Variants in PTPRD observed in about 807,000 individuals in gnomAD.
PTPRD encodes the protein protein tyrosine phosphatase receptor type D.
PTPRD carries 34 observed loss-of-function variants against 214.5 expected under a neutral mutation model. The observed-to-expected ratio is 0.16, with a 90% CI of 0.12 to 0.21. The LOEUF (loss-of-function observed/expected upper bound fraction) is 0.21. Among genes scored for constraint, PTPRD ranks in the 10% least tolerant of loss-of-function variants. PTPRD has a pLI of 1.00. For missense variants in PTPRD, 2,545 were observed against 2,398.7 expected, an observed-to-expected ratio of 1.06 and a Z score of -1.27; for synonymous variants, 1,128 against 845.7, an observed-to-expected ratio of 1.33 and a Z score of -5.79.
chr9:9,019,311 A>AG (rs1569428743), intron 10 of PTPRD, among the ~76,000 whole-genome samples: 15 of 112,222 alleles, frequency 1.3e-4, no homozygotes, highest in African/African-American at 3.6e-4. Flanking sequence ...AAAGAAAGAA[A>AG]GAAAGAAAGA....
intron 12 of PTPRD, among the ~76,000 whole-genome samples, chr9:8,723,360 T>C (rs745398261): frequency 1.3e-5 from 2 of 152,142 alleles, no homozygotes; most frequent in Non-Finnish European, 2.9e-5. Context: ...TCCCTTCATA[T>C]CCTCTCTTAC....
intron 11 of PTPRD, among the ~76,000 whole-genome samples, chr9:8,951,573 C>G (rs1314586703): frequency 6.6e-6 from 1 of 151,980 alleles, no homozygotes; most frequent in Admixed American, 6.6e-5. Flanking sequence ...TCTTGATCTT[C>G]CATCTCCCAT....
At chr9:8,823,899 T>A (rs2097125884) in intron 11 of PTPRD, among the ~76,000 whole-genome samples, 1 of 152,210 alleles carries the variant, frequency 6.6e-6, no homozygotes, top group African/African-American at 2.4e-5. Context: ...GGGCTGCTGG[T>A]TGCCCATTTT....
chr9:10,470,781 CTTTAGTAT>C (rs2099025401), intron 2 of PTPRD, among the ~76,000 whole-genome samples: 1 of 152,098 alleles, frequency 6.6e-6, no homozygotes, highest in Non-Finnish European at 1.5e-5. Flanking sequence ...AATAGACTAT[CTTTAGTAT>C]CAGTTCTCAA....
chr9:8,358,022 G>C (rs551148229), intron 39 of PTPRD, among the ~76,000 whole-genome samples: 5 of 152,234 alleles, frequency 3.3e-5, no homozygotes, highest in South Asian at 2.1e-4. Context: ...TATACATACA[G>C]ATCATTATAC....
At chr9:8,741,559 G>A (rs976787289) in intron 11 of PTPRD, among the ~76,000 whole-genome samples, 2 of 131,028 alleles carry the variant, frequency 1.5e-5, no homozygotes, top group African/African-American at 5.9e-5. Context: ...TTTAATCTCA[G>A]GCATTTCTTT....
At chr9:9,921,601 A>G (rs1456838737) in intron 5 of PTPRD, among the ~76,000 whole-genome samples, 1 of 151,502 alleles carries the variant, frequency 6.6e-6, no homozygotes, top group Non-Finnish European at 1.5e-5. Flanking sequence ...TGCTCAGGGG[A>G]AAAAAATGGC....
At chr9:10,228,630 C>T (rs1470792026) in intron 3 of PTPRD, among the ~76,000 whole-genome samples, 1 of 151,352 alleles carries the variant, frequency 6.6e-6, no homozygotes, top group Admixed American at 6.6e-5. Context: ...ATTTTTTTCA[C>T]CTGCTCTATC....
intron 2 of PTPRD, among the ~76,000 whole-genome samples, chr9:10,352,391 C>T (rs1597832331): frequency 6.6e-6 from 1 of 152,002 alleles, no homozygotes; most frequent in African/African-American, 2.4e-5. Flanking sequence ...TGACCATTCT[C>T]ATTCCTATTC....
At chr9:9,420,872 A>T (rs1453456306) in intron 8 of PTPRD, among the ~76,000 whole-genome samples, 1 of 151,980 alleles carries the variant, frequency 6.6e-6, no homozygotes, top group Non-Finnish European at 1.5e-5. Flanking sequence ...ATCTTTTCAT[A>T]AATGCAGATA....
intron 12 of PTPRD, among the ~76,000 whole-genome samples, chr9:8,685,651 A>G (rs2154376491): frequency 6.6e-6 from 1 of 152,334 alleles, no homozygotes; most frequent in African/African-American, 2.4e-5. Flanking sequence ...ACTTGAATAA[A>G]TAGTGTACCA....
intron 14 of PTPRD, among the ~76,000 whole-genome samples, chr9:8,576,774 C>T (rs76316412): frequency 6.6e-6 from 1 of 152,206 alleles, no homozygotes; most frequent in African/African-American, 2.4e-5. Context: ...AGATATGTTC[C>T]CTGCAATCCT....
At chr9:9,955,789 T>C (rs949649221) in intron 4 of PTPRD, among the ~76,000 whole-genome samples, 1 of 151,858 alleles carries the variant, frequency 6.6e-6, no homozygotes, top group Non-Finnish European at 1.5e-5. Flanking sequence ...CCCAAAGTGC[T>C]GGGATTACAG....
intron 43 of PTPRD, among the ~76,000 whole-genome samples, chr9:8,335,452 C>T (rs1845710466): frequency 1.3e-5 from 2 of 152,114 alleles, no homozygotes; most frequent in Non-Finnish European, 2.9e-5. Flanking sequence ...CCACTTTGTG[C>T]TAACAACTCT....
At chr9:8,745,288 A>G (rs2092665658) in intron 11 of PTPRD, among the ~76,000 whole-genome samples, 1 of 152,240 alleles carries the variant, frequency 6.6e-6, no homozygotes, top group Admixed American at 6.5e-5. Context: ...AGCATGGTGT[A>G]TCTACTTTTA....
intron 2 of PTPRD, among the ~76,000 whole-genome samples, chr9:10,533,978 T>G (rs10738167): frequency 6.6e-6 from 1 of 151,046 alleles, no homozygotes. Context: ...AAGGGAATAT[T>G]TTATTTATTA....
intron 12 of PTPRD, among the ~76,000 whole-genome samples, chr9:8,712,709 T>C (rs572457181): frequency 7.5e-4 from 113 of 150,038 alleles, no homozygotes; most frequent in Non-Finnish European, 9.6e-4. Context: ...GCAAAGATCG[T>C]ATCAATTCTT....
intron 7 of PTPRD, among the ~76,000 whole-genome samples, chr9:9,638,448 C>G (rs569429321): frequency 1.7e-4 from 26 of 152,280 alleles, no homozygotes; most frequent in Admixed American, 6.5e-5. Flanking sequence ...TTTTAAATAT[C>G]CTTGTTCCTC....
chr9:10,270,427 A>G (rs974432408), intron 3 of PTPRD, among the ~76,000 whole-genome samples: 1 of 152,204 alleles, frequency 6.6e-6, no homozygotes. Context: ...TTGAAAGCAA[A>G]CTAATGAGAC....
Sources: allele counts gnomAD v4.1 joint callset (sites outside exome capture counted in the v4.1 genomes callset), GRCh38; gene constraint gnomAD v4.1.1; transcripts MANE v1.5; gene names NCBI Gene and HGNC (gene_info 2026-07-23, HGNC 2026-07-21).